Variants in GFOD1 observed in about 807,000 individuals in gnomAD.
GFOD1 encodes the protein glucose-fructose oxidoreductase domain-containing protein 1.
GFOD1 carries 9 observed loss-of-function variants against 25.4 expected under a neutral mutation model. The ratio of observed to expected loss-of-function variants is 0.35; its 90% CI spans 0.21 to 0.62. The LOEUF (loss-of-function observed/expected upper bound fraction) is 0.62. GFOD1 is among the 20% of genes least tolerant of loss of function. The pLI, the probability that GFOD1 is intolerant of heterozygous loss-of-function variation, is 0.72. For synonymous variants in GFOD1, 253 were observed against 245.6 expected (o/e 1.03, Z -0.28); for missense variants, 403 against 556.9 (o/e 0.72, Z 2.78).
chr6:13,476,360 T>C (rs555086340), intron 1 of GFOD1, among the ~76,000 whole-genome samples: 18 of 152,264 alleles, frequency 1.2e-4, no homozygotes, highest in Middle Eastern at 3.2e-3. Context: ...ACGTACTTCA[T>C]GATTCCATTT....
At chr6:13,443,529 T>C (rs1397752499) in intron 1 of GFOD1, among the ~76,000 whole-genome samples, 1 of 152,012 alleles carries the variant, frequency 6.6e-6, no homozygotes, top group African/African-American at 2.4e-5. Flanking sequence ...TTTTAAGAAA[T>C]TGCCAGCCAG....
chr6:13,395,156 G>A (rs191559406), intron 1 of GFOD1, among the ~76,000 whole-genome samples: 4 of 152,270 alleles, frequency 2.6e-5, no homozygotes, highest in Admixed American at 2.6e-4. Flanking sequence ...TTTGAACAAG[G>A]TGACTACATT....
intron 1 of GFOD1, among the ~76,000 whole-genome samples, chr6:13,400,299 A>G (rs1194468364): frequency 6.6e-6 from 1 of 152,148 alleles, no homozygotes; most frequent in Non-Finnish European, 1.5e-5. Flanking sequence ...ATATCTCTCT[A>G]TTATCCAGGA....
Position 13,364,447 on chromosome 6 carries a change from T to C in GFOD1, c.*296A>G. ...AGCAACCCCTCCTTGCTTGTCACAG[T>C]AAAGGGCAGCAGAGGCAGCTAAACC... On this transcript the variant is annotated 3_prime_UTR_variant, in exon 2 of 2. Coordinates refer to ENST00000379287, the MANE Select transcript of GFOD1 (RefSeq NM_018988.4). The surrounding 1 kb of genome is among the most constrained non-coding windows in gnomAD (Gnocchi z 4.1). The C allele has an allele frequency of 2.5e-6, 1 of 400,526 alleles. No individual in the cohort carries two copies. The highest frequency in any genetic ancestry group is 4.6e-6 in the Non-Finnish European group (1 of 219,292). 24.8% of individuals were successfully genotyped at this position (400,526 alleles called of 1,614,324 possible).
chr6:13,444,906 T>C (rs947962658), intron 1 of GFOD1, among the ~76,000 whole-genome samples: 1 of 152,202 alleles, frequency 6.6e-6, no homozygotes, highest in African/African-American at 2.4e-5. Flanking sequence ...ATATATACCA[T>C]TTTTATATGT....
chr6:13,443,950 G>C (rs1294188855), intron 1 of GFOD1, among the ~76,000 whole-genome samples: 5 of 151,956 alleles, frequency 3.3e-5, no homozygotes, highest in African/African-American at 1.2e-4. Context: ...TCAAGGCTCA[G>C]ATGATCATTC....
intron 1 of GFOD1, among the ~76,000 whole-genome samples, chr6:13,482,296 T>C (rs1485202101): frequency 5.4e-5 from 8 of 148,644 alleles, no homozygotes; most frequent in Non-Finnish European, 1.2e-4. Context: ...TATATTACTA[T>C]ATAAAATTTA....
At chr6:13,394,328 A>G (rs1156949959) in intron 1 of GFOD1, among the ~76,000 whole-genome samples, 5 of 152,112 alleles carry the variant, frequency 3.3e-5, no homozygotes, top group African/African-American at 7.2e-5. Context: ...GAATAAATAT[A>G]TATTTGCTTG....
At chr6:13,476,245 G>T (rs1233680536) in intron 1 of GFOD1, among the ~76,000 whole-genome samples, 1 of 152,166 alleles carries the variant, frequency 6.6e-6, no homozygotes. Flanking sequence ...CCACACAATG[G>T]AGTATCACCC....
intron 1 of GFOD1, among the ~76,000 whole-genome samples, chr6:13,466,152 A>G (rs888763674): frequency 6.6e-6 from 1 of 152,170 alleles, no homozygotes; most frequent in African/African-American, 2.4e-5. Flanking sequence ...TGGCTCCTTC[A>G]TTCTCTGCTA....
intron 1 of GFOD1, among the ~76,000 whole-genome samples, chr6:13,463,940 C>T (rs115640319): frequency 6.6e-6 from 1 of 152,026 alleles, no homozygotes. Context: ...ATCCTACCTG[C>T]CAAACCTCAA....
chr6:13,418,231 A>G (rs1039585516), intron 1 of GFOD1, among the ~76,000 whole-genome samples: 1 of 152,236 alleles, frequency 6.6e-6, no homozygotes, highest in Non-Finnish European at 1.5e-5. Context: ...AGGCAGGATT[A>G]TAAATCATAA....
chr6:13,409,172 A>AAAGGAAAGAAAGAAAG (rs1554201904), intron 1 of GFOD1, among the ~76,000 whole-genome samples: 1 of 53,192 alleles, frequency 1.9e-5, no homozygotes, highest in East Asian at 4.4e-4. Context: ...GAAAGGAAAG[A>AAAGGAAAGAAAGAAAG]GAGAGAGAGA....
chr6:13,374,094 T>C (rs758499362), intron 1 of GFOD1, among the ~76,000 whole-genome samples: 2 of 152,138 alleles, frequency 1.3e-5, no homozygotes, highest in Non-Finnish European at 2.9e-5. Flanking sequence ...CATGTTTTAG[T>C]CTACACAACC....
intron 1 of GFOD1, among the ~76,000 whole-genome samples, chr6:13,453,348 T>A (rs185206576): frequency 6.6e-6 from 1 of 152,334 alleles, no homozygotes; most frequent in Non-Finnish European, 1.5e-5. Flanking sequence ...ATCACAGTCA[T>A]TTTTGTATGC....
chr6:13,412,908 AGT>A (rs1284037117), intron 1 of GFOD1, among the ~76,000 whole-genome samples: 2 of 152,202 alleles, frequency 1.3e-5, no homozygotes, highest in Admixed American at 1.3e-4. Context: ...TCTGCCTCAG[AGT>A]GTGTGTGTTG....
rs1295049393 is a variant in GFOD1, at chr6:13,471,575, G to C, written c.253+15063C>G. The stretch of plus-strand genomic sequence containing the variant: ...GCACATCTTCTTCTCATTAATAATA[G>C]AGTCCTTACTAATAAATCCAGAAAG... On this transcript the variant is annotated intron_variant, in intron 1 of 1. Coordinates refer to ENST00000379287, the MANE Select transcript of GFOD1 (RefSeq NM_018988.4). 2.6e-5 allele frequency among the ~76,000 whole-genome samples: 4 copies of C among 152,168 alleles called. No individual in the cohort carries two copies. In the East Asian group the frequency reaches 5.8e-4, roughly 22 times the overall value.
intron 1 of GFOD1, chr6:13,470,462 T>C (rs1308777118): frequency 1.9e-6 from 3 of 1,550,100 alleles, no homozygotes; most frequent in Non-Finnish European, 2.6e-6. Flanking sequence ...CCCTAAGGGC[T>C]TGAAACCTGT....
At chr6:13,404,232 T>C (rs1017976281) in intron 1 of GFOD1, among the ~76,000 whole-genome samples, 1 of 152,170 alleles carries the variant, frequency 6.6e-6, no homozygotes, top group African/African-American at 2.4e-5. Context: ...AGGGTCCAAG[T>C]CTGATCCAGG....
Sources: gnomAD v4.1 joint callset for allele counts (sites outside exome capture counted in the v4.1 genomes callset) on GRCh38, gnomAD v4.1.1 for gene constraint, Gnocchi (gnomAD v3.1) non-coding constraint, MANE v1.5 for transcripts, NCBI Gene and HGNC (gene_info 2026-07-23, HGNC 2026-07-21) for gene names.